The following PHAX variants were observed in gnomAD, a reference collection of about 807,000 sequenced individuals.
PHAX encodes the protein phosphorylated adaptor for RNA export, also known as phosphorylated adapter RNA export protein.
PHAX carries 31 observed loss-of-function variants against 41.6 expected under a neutral mutation model. The observed-to-expected ratio is 0.75, with a 90% CI of 0.56 to 1.01. PHAX has a LOEUF of 1.01. Ranked by LOEUF, PHAX falls within the 50% of genes least tolerant of loss-of-function variation. PHAX has a pLI of 0.00. For synonymous variants in PHAX, 175 were observed against 164.9 expected (o/e 1.06, Z -0.47); for missense variants, 453 against 472.9 (o/e 0.96, Z 0.39).
At chr5:126,620,031 A>C (rs1221363377) in intron 4 of PHAX, among the ~76,000 whole-genome samples, 1 of 152,174 alleles carries the variant, frequency 6.6e-6, no homozygotes, top group Non-Finnish European at 1.5e-5. Flanking sequence ...AAAGCAACTT[A>C]CCTTGAGCTG....
rs556663283 is a variant in PHAX, at chr5:126,607,690, A to G, written c.711-674A>G. 2.1e-4 allele frequency among the ~76,000 whole-genome samples: 32 copies of G among 152,292 alleles called. No individual in the cohort carries two copies. In the South Asian group the frequency reaches 5.8e-3, roughly 28 times the overall value. ...AATGCTGGGATTATAGGTGTGAGCC[A>G]CCACACCCAGCTGAATTCTTGATCT... On this transcript the variant is annotated intron_variant, in intron 2 of 4. Transcript: ENST00000297540.
intron 4 of PHAX, among the ~76,000 whole-genome samples, chr5:126,621,028 G>A (rs117336515): frequency 1.3e-5 from 2 of 151,910 alleles, no homozygotes; most frequent in South Asian, 2.1e-4. Flanking sequence ...GAGCCACTGC[G>A]CCTGGCCAAA....
intron 4 of PHAX, 41 bp from the exon 5 acceptor site, chr5:126,624,534 C>A: frequency 6.9e-7 from 1 of 1,447,788 alleles, no homozygotes. Context: ...CCTTTAATAA[C>A]GTGGTAGTTC....
intron 4 of PHAX, among the ~76,000 whole-genome samples, chr5:126,619,404 C>A (rs763628874): frequency 3.3e-5 from 5 of 151,826 alleles, no homozygotes; most frequent in Non-Finnish European, 5.9e-5. Context: ...ATGGTGAAAC[C>A]CCGACCCTAC....
rs150481362 is a variant in PHAX, at chr5:126,619,546, A to G, written c.915+2213A>G. The stretch of plus-strand genomic sequence containing the variant: ...AGCCGAGATCACACCACTGTACTCC[A>G]GCCTGGGTGACAGAACAAGACTCTG... On this transcript the variant is annotated intron_variant, in intron 4 of 4. Transcript: ENST00000297540. 5.5e-3 allele frequency among the ~76,000 whole-genome samples: 831 copies of G among 151,548 alleles called. 8 individuals carry two copies. Among genetic ancestry groups the G allele is most frequent in the Non-Finnish European group, 6.9e-3 (470 of 67,960 alleles).
rs567551182 is a variant in PHAX, at chr5:126,614,974, A to G, written c.832-2276A>G. Among the ~76,000 whole-genome samples the G allele has an allele frequency of 1.9e-3, 285 of 152,086 alleles. 4 individuals carry two copies. Among genetic ancestry groups the G allele is most frequent in the African/African-American group, 6.6e-3 (274 of 41,486 alleles). ...GTTTCACCATGTTAGGCTGGTCTCA[A>G]ACTCCTGACCTCATGATCTGCCCAC... is the stretch of plus-strand genomic sequence containing the variant. On this transcript the variant is annotated intron_variant, in intron 3 of 4. Coordinates refer to ENST00000297540, the MANE Select transcript of PHAX (RefSeq NM_032177.4).
chr5:126,606,575 T>C (rs1751990014), intron 2 of PHAX, among the ~76,000 whole-genome samples: 1 of 152,254 alleles, frequency 6.6e-6, no homozygotes, highest in South Asian at 2.1e-4. Flanking sequence ...TTGAATATTC[T>C]ACTTTTTGGC....
intron 4 of PHAX, among the ~76,000 whole-genome samples, chr5:126,621,890 T>G (rs568408007): frequency 6.6e-6 from 1 of 152,232 alleles, no homozygotes; most frequent in African/African-American, 2.4e-5. Context: ...AACAACATTT[T>G]GGGGACCATT....
intron 4 of PHAX, among the ~76,000 whole-genome samples, chr5:126,622,442 ATTTTTTTTTTTTTTTTT>A (rs56297404): frequency 1.8e-5 from 1 of 56,072 alleles, no homozygotes; most frequent in Non-Finnish European, 3.3e-5. Context: ...TAATTTTTGT[ATTTTTTTTTTTTTTTTT>A]TTTTTTTTTT....
At chr5:126,624,535 G>C in intron 4 of PHAX, 40 bp from the exon 5 acceptor site, 1 of 1,457,196 alleles carries the variant, frequency 6.9e-7, no homozygotes, top group Non-Finnish European at 9.3e-7. Context: ...CTTTAATAAC[G>C]TGGTAGTTCT....
rs932064660 is a variant in PHAX at position 126,617,162 on chromosome 5, A to G, written c.832-88A>G. 20 of 689,806 alleles carry G rather than the reference A, an allele frequency of 2.9e-5. 1 individual carries two copies. The Admixed American group carries it at 5.3e-4, about 18-fold the overall frequency. The allele number at this position is 689,806 out of a possible 1,614,324, so 42.7% of individuals were successfully genotyped here. A position where few individuals can be genotyped will look rare whatever the true frequency, so the allele number is the denominator to read the frequency against. ...GGACTTCAGATCTGGTATTTCTTCT[A>G]TCCCCTTAATTGTGTCTCTGTTAAA... is the stretch of plus-strand genomic sequence containing the variant. On this transcript the variant is annotated intron_variant, in intron 3 of 4. Coordinates refer to ENST00000297540, the MANE Select transcript of PHAX (RefSeq NM_032177.4).
rs1306734671 is a variant in PHAX at position 126,617,461 on chromosome 5, G to A, written c.915+128G>A. On this transcript the variant is annotated intron_variant, in intron 4 of 4. Transcript: ENST00000297540. Reference sequence around the variant, plus strand: ...TGGACTGATTTTGTTATTATCTTAAGTAACATTTATGCCTTTTATTTATTT... The same window carrying A: ...TGGACTGATTTTGTTATTATCTTAAATAACATTTATGCCTTTTATTTATTT... The A allele has an allele frequency of 7.3e-6, 4 of 551,032 alleles. No homozygotes were observed. The East Asian group carries it at 9.3e-5, about 13-fold the overall frequency. 34.1% of individuals were successfully genotyped at this position (551,032 alleles called of 1,614,324 possible).
intron 3 of PHAX, among the ~76,000 whole-genome samples, chr5:126,614,371 A>G (rs941686512): frequency 6.6e-6 from 1 of 151,960 alleles, no homozygotes; most frequent in African/African-American, 2.4e-5. Context: ...AGTGTTGGGT[A>G]TAATACCCAA....
rs188126989 is a variant in PHAX, at chr5:126,613,915, A to G, written c.832-3335A>G. Among the ~76,000 whole-genome samples, 80 of 151,988 alleles carry G rather than the reference A, an allele frequency of 5.3e-4. 1 individual carries two copies. In the East Asian group the frequency reaches 0.015, roughly 29 times the overall value. Reference sequence around the variant, plus strand: ...TTCAGTCTCCCAAGTAGCTGGGACTATAGGCTTAAGCCACAATGCCCAGCT... The same window carrying G: ...TTCAGTCTCCCAAGTAGCTGGGACTGTAGGCTTAAGCCACAATGCCCAGCT... On this transcript the variant is annotated intron_variant, in intron 3 of 4. Coordinates refer to ENST00000297540, the MANE Select transcript of PHAX (RefSeq NM_032177.4).
intron 3 of PHAX, among the ~76,000 whole-genome samples, chr5:126,612,654 T>C (rs1299358856): frequency 6.6e-6 from 1 of 152,018 alleles, no homozygotes; most frequent in Admixed American, 6.6e-5. Context: ...TGAGCCGGGA[T>C]TGCGCCATTG....
At chr5:126,606,713 A>G (rs1250271703) in intron 2 of PHAX, among the ~76,000 whole-genome samples, 1 of 151,832 alleles carries the variant, frequency 6.6e-6, no homozygotes, top group African/African-American at 2.4e-5. Context: ...GTGCAGTGGC[A>G]TGATCTCAGC....
chr5:126,603,830 T>C lies in PHAX; in HGVS notation c.357T>C (p.Gly119=). ...AGGKKINNIW[G]AVLQEQNQDA... ...GAAAGAAGATTAACAACATATGGGG[T>C]GCTGTGCTGCAGGAACAGAATCAAG... is the stretch of plus-strand genomic sequence containing the variant. The change falls in exon 2 of 5, where the codon GGT becomes GGC. Residue 119 remains glycine, a synonymous_variant. Coordinates refer to ENST00000297540, the MANE Select transcript of PHAX (RefSeq NM_032177.4). 1 of 1,613,988 alleles carries C rather than the reference T, an allele frequency of 6.2e-7. No individual in the cohort carries two copies. Among genetic ancestry groups the C allele is most frequent in the Non-Finnish European group, 8.5e-7 (1 of 1,180,018 alleles).
In PHAX at chr5:126,619,490, C is replaced by G. The variant is rs559407145; in HGVS notation, c.915+2157C>G. 2.0e-5 allele frequency among the ~76,000 whole-genome samples: 3 copies of G among 151,432 alleles called. No homozygotes were observed. The South Asian group carries it at 6.3e-4, about 32-fold the overall frequency. On this transcript the variant is annotated intron_variant, in intron 4 of 4. Coordinates refer to ENST00000297540, the MANE Select transcript of PHAX (RefSeq NM_032177.4). The stretch of plus-strand genomic sequence containing the variant: ...ACTCGGGAGGCTGACGTAGGAGAAT[C>G]GCTTGAACCTGGGAGGTGGACGTCG...
chr5:126,614,346 G>A (rs991377413), intron 3 of PHAX, among the ~76,000 whole-genome samples: 9 of 151,992 alleles, frequency 5.9e-5, no homozygotes, highest in African/African-American at 1.5e-4. Flanking sequence ...TGATCCACCC[G>A]TCTCGGCCTC....
Sources: allele counts gnomAD v4.1 joint callset (sites outside exome capture counted in the v4.1 genomes callset), GRCh38; gene constraint gnomAD v4.1.1; transcripts MANE v1.5; gene names NCBI Gene and HGNC (gene_info 2026-07-23, HGNC 2026-07-21).